CXCL17: variants seen among roughly 807,000 people sequenced by gnomAD.
CXCL17 encodes C-X-C motif chemokine 17.
A neutral mutation model predicts 15.5 loss-of-function variants in CXCL17; 9 were observed. The ratio of observed to expected loss-of-function variants is 0.58; its 90% CI spans 0.35 to 1.01. CXCL17 has a LOEUF of 1.01. CXCL17 is among the 50% of genes least tolerant of loss of function. The pLI is 0.02. For missense variants in CXCL17, 133 were observed against 138.2 expected (o/e 0.96, Z 0.19); for synonymous variants, 52 against 52.3 (o/e 0.99, Z 0.02).
intron 3 of CXCL17, among the ~76,000 whole-genome samples, chr19:42,432,647 G>A (rs1236571947): frequency 6.6e-6 from 1 of 152,140 alleles, no homozygotes; most frequent in Non-Finnish European, 1.5e-5. Flanking sequence ...CTAGACTAGG[G>A]AGGAGTCAAA....
chr19:42,438,086 TG>T (rs1010902841), intron 1 of CXCL17, among the ~76,000 whole-genome samples: 2 of 151,640 alleles, frequency 1.3e-5, no homozygotes, highest in African/African-American at 2.4e-5. Context: ...ATAGGCCAGG[TG>T]GGGGCTCACA....
chr19:42,435,051 C>T (rs936634346), intron 1 of CXCL17, among the ~76,000 whole-genome samples: 13 of 151,200 alleles, frequency 8.6e-5, no homozygotes, highest in Non-Finnish European at 1.9e-4. Flanking sequence ...TGGTGGCGGG[C>T]GCCTGTAGTC....
At chr19:42,438,381 A>AATATATATATATATATATAT (rs1201763586) in intron 1 of CXCL17, among the ~76,000 whole-genome samples, 9 of 63,840 alleles carry the variant, frequency 1.4e-4, no homozygotes, top group African/African-American at 6.1e-4. Flanking sequence ...AAAAAAAAAA[A>AATATATATATATATATATAT]ATATATATAT....
intron 3 of CXCL17, among the ~76,000 whole-genome samples, chr19:42,432,252 C>T (rs942159512): frequency 2.8e-5 from 4 of 145,112 alleles, no homozygotes; most frequent in East Asian, 2.0e-4. Context: ...TAAAGCAATT[C>T]GCGTGCCTCA....
chr19:42,437,364 A>G (rs1199201889), intron 1 of CXCL17, among the ~76,000 whole-genome samples: 2 of 152,218 alleles, frequency 1.3e-5, no homozygotes, highest in African/African-American at 2.4e-5. Flanking sequence ...TAAACACATA[A>G]ATATTAAAGT....
intron 3 of CXCL17, among the ~76,000 whole-genome samples, chr19:42,432,503 G>A (rs1198118030): frequency 6.6e-6 from 1 of 152,120 alleles, no homozygotes; most frequent in Non-Finnish European, 1.5e-5. Flanking sequence ...GTGTGGTGGT[G>A]TGTACCTCTA....
intron 1 of CXCL17, among the ~76,000 whole-genome samples, chr19:42,436,176 T>TG (rs1288845255): frequency 6.6e-6 from 1 of 152,184 alleles, no homozygotes; most frequent in Non-Finnish European, 1.5e-5. Flanking sequence ...AACACGTGGA[T>TG]GGATAAGTTG....
intron 1 of CXCL17, among the ~76,000 whole-genome samples, chr19:42,435,047 C>T (rs925071845): frequency 1.3e-5 from 2 of 151,730 alleles, no homozygotes; most frequent in Non-Finnish European, 2.9e-5. Context: ...GGCGTGGTGG[C>T]GGGCGCCTGT....
In CXCL17 at chr19:42,438,354, C is replaced by CAAAAA. The variant is rs34157586; in HGVS notation, c.79+4395_79+4399dup. ...GCCTGGGCGACAAGAGACTCTGTCT[C>CAAAAA]AAAAAAAAAAAAAAAAAAAAAAAAA... On this transcript the variant is annotated intron_variant, in intron 1 of 3. Coordinates refer to ENST00000601181, the MANE Select transcript of CXCL17 (RefSeq NM_198477.3). 5.7e-4 allele frequency among the ~76,000 whole-genome samples: 10 copies of CAAAAA among 17,464 alleles called. 1 individual carries two copies. The highest frequency in any genetic ancestry group is 2.1e-3 in the East Asian group (1 of 470). The allele number at this position is 17,464 out of a possible 152,430, so 11.5% of individuals were successfully genotyped here.
chr19:42,433,870 A>G lies in CXCL17; in HGVS notation c.80-14T>C, dbSNP rs201237936. The G allele has an allele frequency of 3.5e-5, 56 of 1,608,464 alleles. 1 individual carries two copies. The African/African-American group carries it at 6.0e-4, about 17-fold the overall frequency. ...CTCTGGCGACCCCTGTCGGAAGGAA[A>G]CAGGTCACATCCAGACACTGGAAAG... is the stretch of plus-strand genomic sequence containing the variant. On this transcript the variant is annotated splice_polypyrimidine_tract_variant and intron_variant, in intron 1 of 3. Coordinates refer to ENST00000601181, the MANE Select transcript of CXCL17 (RefSeq NM_198477.3).
At position 42,429,118 on chromosome 19, in the gene CXCL17, C is replaced by A; in HGVS notation, c.263-137G>T. 6.4e-6 allele frequency: 4 copies of A among 621,116 alleles called. No individual in the cohort carries two copies. In the South Asian group the frequency reaches 7.3e-5, roughly 11 times the overall value. 38.5% of individuals were successfully genotyped at this position (621,116 alleles called of 1,614,324 possible). A position where few individuals can be genotyped will look rare whatever the true frequency, so the allele number is the denominator to read the frequency against. ...TCTCAACTCACTGCAACCTCTGCCT[C>A]CCGGGTTCAAGTGATTCTCCTGCCT... On this transcript the variant is annotated intron_variant, in intron 3 of 3. Transcript: ENST00000601181.
At chr19:42,433,729 TG>T in intron 2 of CXCL17, 46 bp downstream of exon 2, 1 of 1,505,124 alleles carries the variant, frequency 6.6e-7, no homozygotes, top group Non-Finnish European at 9.2e-7. Flanking sequence ...GGGAGAGAGC[TG>T]GGGTCATGGT....
chr19:42,440,854 C>T (rs755077425), intron 1 of CXCL17, among the ~76,000 whole-genome samples: 6 of 152,056 alleles, frequency 3.9e-5, no homozygotes, highest in Non-Finnish European at 5.9e-5. Flanking sequence ...GGGTGGTTCC[C>T]CCTCCGGGGT....
intron 1 of CXCL17, among the ~76,000 whole-genome samples, chr19:42,435,580 C>T (rs141603240): frequency 6.6e-6 from 1 of 152,124 alleles, no homozygotes; most frequent in Admixed American, 6.6e-5. Flanking sequence ...TGCCTATAAT[C>T]TCAGCAATTT....
intron 1 of CXCL17, among the ~76,000 whole-genome samples, chr19:42,439,474 G>C (rs1016241046): frequency 6.7e-6 from 1 of 149,252 alleles, no homozygotes; most frequent in Middle Eastern, 3.2e-3. Flanking sequence ...AAAAAAAAAA[G>C]TATGATGAGA....
chr19:42,437,245 C>T (rs1310668613), intron 1 of CXCL17, among the ~76,000 whole-genome samples: 3 of 152,126 alleles, frequency 2.0e-5, no homozygotes, highest in Non-Finnish European at 4.4e-5. Flanking sequence ...CCACTTTATA[C>T]TTTTTCTCTA....
Position 42,428,329 on chromosome 19 carries a change from G to A in CXCL17, c.*555C>T, listed in dbSNP as rs1196320762. On this transcript the variant is annotated 3_prime_UTR_variant, in exon 4 of 4. Transcript: ENST00000601181. ...TAATAAGACCGTGTCTGGTTCATTG[G>A]TATGCTTTTTTTTTTTTGTCCCACC... 1 of 148,416 alleles carries A rather than the reference G, an allele frequency of 6.7e-6. No individual in the cohort carries two copies. The highest frequency in any genetic ancestry group is 1.5e-5 in the Non-Finnish European group (1 of 67,708). 9.2% of individuals were successfully genotyped at this position (148,416 alleles called of 1,614,324 possible).
At position 42,433,022 on chromosome 19, in the gene CXCL17, CT is replaced by C; in HGVS notation, c.215del (p.Lys72ArgfsTer13). On this transcript the variant is annotated frameshift_variant, in exon 3 of 4. Transcript: ENST00000601181. LOFTEE classifies it high-confidence loss of function. ...TGAAATGATCACAGGGGCACTGCTT[CT>C]TTGGCAGCCCAGACACTGTCATGAA... ...RKFMTVSGLPKKQCPCDHFKG... is the reference protein window; with the variant it reads ...RKFMTVSGLPXKQCPCDHFKG... 1 of 1,614,170 alleles carries C rather than the reference CT, an allele frequency of 6.2e-7. No homozygotes were observed. The highest frequency in any genetic ancestry group is 8.5e-7 in the Non-Finnish European group (1 of 1,180,028).
chr19:42,440,429 G>C (rs1038187304), intron 1 of CXCL17, among the ~76,000 whole-genome samples: 2 of 152,148 alleles, frequency 1.3e-5, no homozygotes, highest in African/African-American at 4.8e-5. Context: ...CTCAGACTCA[G>C]GCCTGCACTG....
Sources: allele counts gnomAD v4.1 joint callset (sites outside exome capture counted in the v4.1 genomes callset), GRCh38; gene constraint gnomAD v4.1.1; transcripts MANE v1.5; gene names NCBI Gene and HGNC (gene_info 2026-07-23, HGNC 2026-07-21).